Variants in NXPH1 observed in about 807,000 individuals in gnomAD.
NXPH1 encodes neurexophilin 1, also known as neurexophilin-1.
NXPH1 carries 5 observed loss-of-function variants against 23.7 expected under a neutral mutation model. The ratio of observed to expected loss-of-function variants is 0.21; its 90% confidence interval spans 0.11 to 0.44. The LOEUF (loss-of-function observed/expected upper bound fraction) is 0.44. NXPH1 is among the 20% of genes least tolerant of loss of function. NXPH1 has a pLI of 0.99. For synonymous variants in NXPH1, 144 were observed against 122.2 expected (o/e 1.18, Z -1.18); for missense variants, 324 against 321.6 (o/e 1.01, Z -0.06).
At chr7:8,466,806 G>A (rs986092944) in intron 2 of NXPH1, among the ~76,000 whole-genome samples, 1 of 152,060 alleles carries the variant, frequency 6.6e-6, no homozygotes, top group African/African-American at 2.4e-5. Flanking sequence ...TTTCCGACCT[G>A]CCCCTCCCAC....
chr7:8,608,120 T>C (rs1461087199), intron 2 of NXPH1, among the ~76,000 whole-genome samples: 1 of 152,218 alleles, frequency 6.6e-6, no homozygotes, highest in Admixed American at 6.5e-5. Flanking sequence ...TGTGGGAGAA[T>C]ACATTTCCAT....
intron 2 of NXPH1, among the ~76,000 whole-genome samples, chr7:8,599,409 C>T (rs1370254802): frequency 1.3e-5 from 2 of 152,082 alleles, no homozygotes. Context: ...CCTCTGGGCT[C>T]ATCATTTTTG....
intron 2 of NXPH1, among the ~76,000 whole-genome samples, chr7:8,530,765 C>T (rs1817939048): frequency 6.6e-6 from 1 of 152,196 alleles, no homozygotes; most frequent in Non-Finnish European, 1.5e-5. Flanking sequence ...CAGGCATCAT[C>T]TATTCAGACA....
At chr7:8,566,154 T>C (rs1018344594) in intron 2 of NXPH1, among the ~76,000 whole-genome samples, 11 of 151,824 alleles carry the variant, frequency 7.2e-5, no homozygotes, top group Non-Finnish European at 1.6e-4. Context: ...TCACAGAGGC[T>C]CGAGCAAAGG....
chr7:8,649,280 T>C (rs1820450407), intron 2 of NXPH1, among the ~76,000 whole-genome samples: 1 of 152,016 alleles, frequency 6.6e-6, no homozygotes, highest in Non-Finnish European at 1.5e-5. Flanking sequence ...TTGTGCTGTT[T>C]TTCATATGGT....
At chr7:8,727,538 T>C (rs1364114836) in intron 2 of NXPH1, among the ~76,000 whole-genome samples, 1 of 151,778 alleles carries the variant, frequency 6.6e-6, no homozygotes, top group Non-Finnish European at 1.5e-5. Context: ...AGGGATCCAG[T>C]TTCAGCTTTC....
chr7:8,606,645 G>A (rs1011537655), intron 2 of NXPH1, among the ~76,000 whole-genome samples: 24 of 152,124 alleles, frequency 1.6e-4, no homozygotes, highest in Admixed American at 3.3e-4. Context: ...CAGGACTGCT[G>A]CCCTCTCACT....
At chr7:8,697,515 A>G (rs1010222156) in intron 2 of NXPH1, among the ~76,000 whole-genome samples, 2 of 152,154 alleles carry the variant, frequency 1.3e-5, no homozygotes, top group Non-Finnish European at 2.9e-5. Context: ...GACAGACTGA[A>G]GTGCTGGGGT....
intron 2 of NXPH1, among the ~76,000 whole-genome samples, chr7:8,713,698 G>A (rs1216259058): frequency 1.3e-5 from 2 of 151,566 alleles, no homozygotes; most frequent in Admixed American, 6.6e-5. Flanking sequence ...CAATAACACT[G>A]TAGTTCTTGC....
intron 2 of NXPH1, among the ~76,000 whole-genome samples, chr7:8,603,943 T>C (rs1819419397): frequency 6.6e-6 from 1 of 152,180 alleles, no homozygotes; most frequent in African/African-American, 2.4e-5. Context: ...TCAAGACTAT[T>C]ATTGAAATCT....
At chr7:8,593,711 C>A (rs909174509) in intron 2 of NXPH1, among the ~76,000 whole-genome samples, 1 of 152,006 alleles carries the variant, frequency 6.6e-6, no homozygotes, top group African/African-American at 2.4e-5. Context: ...CATCTCCCTT[C>A]CTAGTTACCT....
chr7:8,726,057 G>A (rs183326593), intron 2 of NXPH1, among the ~76,000 whole-genome samples: 2 of 152,234 alleles, frequency 1.3e-5, no homozygotes, highest in African/African-American at 4.8e-5. Context: ...TAGGCATATT[G>A]TATCAAAAAT....
At chr7:8,446,119 T>C (rs1311495446) in intron 2 of NXPH1, among the ~76,000 whole-genome samples, 6 of 152,204 alleles carry the variant, frequency 3.9e-5, no homozygotes, top group Non-Finnish European at 7.3e-5. Context: ...CTACTTAAAA[T>C]AGGAAGAATA....
chr7:8,477,339 T>C (rs1261089877), intron 2 of NXPH1, among the ~76,000 whole-genome samples: 5 of 152,128 alleles, frequency 3.3e-5, no homozygotes, highest in Non-Finnish European at 5.9e-5. Flanking sequence ...AGCTGTATTT[T>C]TTTTTAAATA....
chr7:8,605,861 G>A (rs1384171552), intron 2 of NXPH1, among the ~76,000 whole-genome samples: 2 of 152,078 alleles, frequency 1.3e-5, no homozygotes, highest in Non-Finnish European at 2.9e-5. Context: ...CTTTGTAAAA[G>A]CACCATTCTT....
intron 2 of NXPH1, among the ~76,000 whole-genome samples, chr7:8,651,118 C>G (rs1214981017): frequency 6.7e-6 from 1 of 149,854 alleles, no homozygotes; most frequent in Admixed American, 6.7e-5. Flanking sequence ...GCTATCCCTC[C>G]CCACTCCCCC....
intron 2 of NXPH1, among the ~76,000 whole-genome samples, chr7:8,631,628 A>G (rs1443044627): frequency 6.6e-6 from 1 of 151,944 alleles, no homozygotes; most frequent in African/African-American, 2.4e-5. Flanking sequence ...AGCTTTGTTG[A>G]TTTGTTTTAT....
chr7:8,525,796 C>G (rs1441842199), intron 2 of NXPH1, among the ~76,000 whole-genome samples: 1 of 152,304 alleles, frequency 6.6e-6, no homozygotes, highest in South Asian at 2.1e-4. Context: ...TTGCGAACCT[C>G]CACCTAGATT....
intron 2 of NXPH1, among the ~76,000 whole-genome samples, chr7:8,686,706 T>G (rs1338749258): frequency 6.6e-6 from 1 of 152,132 alleles, no homozygotes; most frequent in African/African-American, 2.4e-5. Flanking sequence ...GTTCTAATCT[T>G]GTTAAATTAG....
Sources: gnomAD v4.1 joint callset for allele counts (sites outside exome capture counted in the v4.1 genomes callset) on GRCh38, gnomAD v4.1.1 for gene constraint, MANE v1.5 for transcripts, NCBI Gene and HGNC (gene_info 2026-07-23, HGNC 2026-07-21) for gene names.